Variants in LRRFIP1 observed in about 807,000 individuals in gnomAD.
LRRFIP1 encodes the protein LRR binding FLII interacting protein 1.
In LRRFIP1, 62 loss-of-function variants were observed where a neutral mutation model predicts 104.4. That is an observed-to-expected ratio of 0.59 (90% CI 0.48 to 0.73). The LOEUF (loss-of-function observed/expected upper bound fraction) is 0.73. Ranked by LOEUF, LRRFIP1 falls within the 30% of genes least tolerant of loss-of-function variation. LRRFIP1 has a pLI of 0.00. For missense variants in LRRFIP1, 796 were observed against 824.5 expected, an observed-to-expected ratio of 0.97 and a Z score of 0.42; for synonymous variants, 300 against 299.0, an observed-to-expected ratio of 1.00 and a Z score of -0.03.
intron 1 of LRRFIP1, chr2:237,692,524 A>G: frequency 6.6e-7 from 1 of 1,518,854 alleles, no homozygotes; most frequent in Non-Finnish European, 8.9e-7. Context: ...AGAAGCTGGT[A>G]AGAGGAAAGC....
At chr2:237,745,600 C>T (rs189630318) in intron 11 of LRRFIP1, among the ~76,000 whole-genome samples, 1 of 152,130 alleles carries the variant, frequency 6.6e-6, no homozygotes, top group African/African-American at 2.4e-5. Flanking sequence ...CCCTGCCCCC[C>T]CAAAATCAAG....
chr2:237,651,008 G>T (rs778322243), intron 1 of LRRFIP1, among the ~76,000 whole-genome samples: 1 of 152,164 alleles, frequency 6.6e-6, no homozygotes, highest in Non-Finnish European at 1.5e-5. Context: ...CTGATTAGGG[G>T]AGTTCAGAGG....
chr2:237,748,301 A>G (rs2058139337), intron 11 of LRRFIP1, 63 bp from the exon 12 acceptor site: 1 of 1,181,994 alleles, frequency 8.5e-7, no homozygotes, highest in Middle Eastern at 1.9e-4. Context: ...TCATAGCCCC[A>G]TCTTCATGTT....
At chr2:237,716,374 T>G (rs1445515637) in intron 3 of LRRFIP1, among the ~76,000 whole-genome samples, 1 of 151,750 alleles carries the variant, frequency 6.6e-6, no homozygotes, top group Non-Finnish European at 1.5e-5. Context: ...GCTCATGTCC[T>G]TTTTGTCTTT....
At position 237,753,616 on chromosome 2, in the gene LRRFIP1, C is replaced by T. The variant is rs1236179235; in HGVS notation, c.1038+137C>T. The T allele has an allele frequency of 1.6e-5, 10 of 608,796 alleles. No homozygotes were observed. The Middle Eastern group carries it at 1.3e-3, about 80-fold the overall frequency. 37.7% of individuals were successfully genotyped at this position (608,796 alleles called of 1,614,324 possible). A position where few individuals can be genotyped will look rare whatever the true frequency, so the allele number is the denominator to read the frequency against. On this transcript the variant is annotated intron_variant, in intron 15 of 23. Coordinates refer to ENST00000308482, the MANE Select transcript of LRRFIP1 (RefSeq NM_001137550.2). ...TTCGAGACCAGCCTGGGCAACATGG[C>T]GAGACATCATTTCTAAAAAGAATTA...
At chr2:237,751,353 C>G (rs961476912) in intron 14 of LRRFIP1, 82 bp downstream of exon 14, 19 of 1,117,930 alleles carry the variant, frequency 1.7e-5, no homozygotes, top group Non-Finnish European at 2.5e-5. Context: ...AGAAGAAATT[C>G]AAAGTGCATG....
In LRRFIP1 at chr2:237,781,588, C is replaced by T. The variant is rs1262262085; in HGVS notation, c.*2056C>T. ...CACACACTTCCTAATCCAGAGGAAG[C>T]TAGAACACGATTTTTAAATTTATTT... On this transcript the variant is annotated 3_prime_UTR_variant, in exon 24 of 24. Transcript: ENST00000308482. Among the ~76,000 whole-genome samples the T allele has an allele frequency of 1.3e-5, 2 of 152,344 alleles. No homozygotes were observed. The highest frequency in any genetic ancestry group is 4.1e-4 in the South Asian group (2 of 4,822).
At chr2:237,719,610 T>C (rs750882627) in intron 5 of LRRFIP1, 43 bp downstream of exon 5, 1 of 1,464,782 alleles carries the variant, frequency 6.8e-7, no homozygotes, top group South Asian at 1.2e-5. Context: ...TTTGATTGAA[T>C]TCTAATTTAT....
intron 1 of LRRFIP1, among the ~76,000 whole-genome samples, chr2:237,689,986 C>T (rs139950514): frequency 9.2e-5 from 14 of 152,334 alleles, no homozygotes; most frequent in Non-Finnish European, 1.5e-4. Context: ...AGCTAAGTAA[C>T]TTGCTCAATA....
rs918606167 is a variant in LRRFIP1 at position 237,691,580 on chromosome 2, C to T, written c.97-16964C>T. On this transcript the variant is annotated intron_variant, in intron 1 of 23. Transcript: ENST00000308482. This position sits in a 1 kb window ranked among gnomAD's most constrained non-coding sequence, Gnocchi z 5.4. Reference sequence around the variant, plus strand: ...TAGTGGGGTGCCCGGCCGGCAGGTGCAGCGGTGCTGGGGCCTAGGCTTCCG... The same window carrying T: ...TAGTGGGGTGCCCGGCCGGCAGGTGTAGCGGTGCTGGGGCCTAGGCTTCCG... Among the ~76,000 whole-genome samples, 1 of 152,222 alleles carries T rather than the reference C, an allele frequency of 6.6e-6. No homozygotes were observed. The highest frequency in any genetic ancestry group is 1.5e-5 in the Non-Finnish European group (1 of 68,032).
intron 11 of LRRFIP1, among the ~76,000 whole-genome samples, chr2:237,743,966 A>G (rs1183539635): frequency 6.6e-6 from 1 of 152,184 alleles, no homozygotes; most frequent in African/African-American, 2.4e-5. Flanking sequence ...CTGGGTCCAT[A>G]TCTTCCCTCG....
rs2061417208 is a variant in LRRFIP1, at chr2:237,780,818, T to C, written c.*1286T>C. Among the ~76,000 whole-genome samples, 1 of 152,208 alleles carries C rather than the reference T, an allele frequency of 6.6e-6. No individual in the cohort carries two copies. Among genetic ancestry groups the C allele is most frequent in the African/African-American group, 2.4e-5 (1 of 41,452 alleles). On this transcript the variant is annotated 3_prime_UTR_variant, in exon 24 of 24. Transcript: ENST00000308482. ...GGATCTAGGATATACACAGCTGCGT[T>C]GCATTAAGAAAGAGATGAAATCTCT...
At chr2:237,679,847 A>G (rs1352219632) in intron 1 of LRRFIP1, among the ~76,000 whole-genome samples, 1 of 152,174 alleles carries the variant, frequency 6.6e-6, no homozygotes, top group Non-Finnish European at 1.5e-5. Flanking sequence ...ACCTCGGGTG[A>G]TCCACCCGCC....
At chr2:237,710,609 T>C (rs1049664357) in intron 2 of LRRFIP1, among the ~76,000 whole-genome samples, 1 of 152,206 alleles carries the variant, frequency 6.6e-6, no homozygotes, top group Admixed American at 6.5e-5. Context: ...GATTTAAATA[T>C]ATACATATTG....
intron 1 of LRRFIP1, chr2:237,692,524 AAG>A (rs1345249355): frequency 5.3e-6 from 8 of 1,518,746 alleles, no homozygotes; most frequent in Non-Finnish European, 6.2e-6. Flanking sequence ...AGAAGCTGGT[AAG>A]AGGAAAGCGC....
chr2:237,732,682 CA>C (rs952736133), intron 8 of LRRFIP1, among the ~76,000 whole-genome samples: 5 of 152,120 alleles, frequency 3.3e-5, no homozygotes, highest in Non-Finnish European at 7.4e-5. Context: ...AACTCGAGTC[CA>C]AAAAATTGGT....
intron 19 of LRRFIP1, chr2:237,764,178 C>A: frequency 1.2e-6 from 2 of 1,613,944 alleles, no homozygotes; most frequent in Non-Finnish European, 1.7e-6. Context: ...CAGGAAGTCT[C>A]AGTGTGAAGG....
intron 11 of LRRFIP1, among the ~76,000 whole-genome samples, chr2:237,741,709 T>C (rs2150483726): frequency 6.6e-6 from 1 of 152,136 alleles, no homozygotes; most frequent in African/African-American, 2.4e-5. Context: ...ATGCCTGTAA[T>C]CCCAGCTACT....
chr2:237,739,117 C>T, intron 10 of LRRFIP1, 115 bp from the exon 11 acceptor site: 1 of 865,276 alleles, frequency 1.2e-6, no homozygotes. Flanking sequence ...CCGTGCGTGG[C>T]TAACCTCACC....
Sources: gnomAD v4.1 joint callset for allele counts (sites outside exome capture counted in the v4.1 genomes callset) on GRCh38, gnomAD v4.1.1 for gene constraint, Gnocchi (gnomAD v3.1) non-coding constraint, MANE v1.5 for transcripts, NCBI Gene and HGNC (gene_info 2026-07-23, HGNC 2026-07-21) for gene names.